Variants in RIPOR3 observed in about 807,000 individuals in gnomAD.
RIPOR3 encodes family with sequence similarity 65 member C.
Under a neutral mutation model 114.3 loss-of-function variants are expected in RIPOR3, and 95 were observed. The ratio of observed to expected loss-of-function variants is 0.83; its 90% CI spans 0.70 to 0.99. The LOEUF is 0.99. RIPOR3 is among the 50% of genes least tolerant of loss of function. RIPOR3 has a pLI of 0.00. For synonymous variants in RIPOR3, 575 were observed against 543.8 expected (o/e 1.06, Z -0.80); for missense variants, 1,252 against 1,266.9 (o/e 0.99, Z 0.18).
intron 1 of RIPOR3, among the ~76,000 whole-genome samples, chr20:50,690,679 C>T (rs1022496618): frequency 1.3e-5 from 2 of 152,084 alleles, no homozygotes; most frequent in Non-Finnish European, 2.9e-5. Context: ...TGCCACTGAC[C>T]GGCTGTGTGA....
At chr20:50,611,354 C>A in intron 4 of RIPOR3, 150 bp from the exon 5 acceptor site, 1 of 967,160 alleles carries the variant, frequency 1.0e-6, no homozygotes, top group Non-Finnish European at 1.6e-6. Flanking sequence ...CCTTCCTCTG[C>A]CAACGGCAGA....
At chr20:50,670,771 C>A (rs1051101330) in intron 1 of RIPOR3, among the ~76,000 whole-genome samples, 51 of 152,150 alleles carry the variant, frequency 3.4e-4, no homozygotes, top group African/African-American at 1.2e-3. Flanking sequence ...TGGGGAAGAA[C>A]AAGGCTCTGT....
intron 1 of RIPOR3, among the ~76,000 whole-genome samples, chr20:50,669,116 TCA>T (rs1009237230): frequency 1.3e-5 from 2 of 151,846 alleles, no homozygotes; most frequent in African/African-American, 4.8e-5. Context: ...ACATGCATGC[TCA>T]CACATGTGCA....
At chr20:50,632,865 C>G (rs1600638672) in intron 1 of RIPOR3, among the ~76,000 whole-genome samples, 2 of 152,196 alleles carry the variant, frequency 1.3e-5, no homozygotes, top group East Asian at 3.9e-4. Context: ...GCTTGTCTTA[C>G]CTGCGGTCAG....
rs183398793 is a variant in RIPOR3, at chr20:50,637,082, G to A, written c.4-6226C>T. On this transcript the variant is annotated intron_variant, in intron 1 of 21. Coordinates refer to ENST00000327979, the MANE Select transcript of RIPOR3 (RefSeq NM_001290268.2). The stretch of plus-strand genomic sequence containing the variant: ...GAGTTTACACAGAAGACAGACAGGC[G>A]CCCGAGGAGGCTTCTCTGGGAACCA... Among the ~76,000 whole-genome samples the A allele has an allele frequency of 2.8e-3, 421 of 152,250 alleles. 2 individuals are homozygous for A. The highest frequency in any genetic ancestry group is 4.0e-3 in the Non-Finnish European group (273 of 68,018).
intron 2 of RIPOR3, 138 bp from the exon 3 acceptor site, chr20:50,620,270 C>T (rs750918577): frequency 6.0e-6 from 6 of 994,242 alleles, no homozygotes; most frequent in Non-Finnish European, 5.8e-6. Context: ...CCATCACCAC[C>T]AAGCAGTGTG....
intron 1 of RIPOR3, among the ~76,000 whole-genome samples, chr20:50,690,788 C>T (rs1449010342): frequency 5.3e-5 from 8 of 152,150 alleles, no homozygotes; most frequent in Admixed American, 5.2e-4. Context: ...CGGGATTTCC[C>T]GAGCCGACGC....
intron 15 of RIPOR3, 152 bp downstream of exon 15, chr20:50,595,988 T>C (rs774690103): frequency 4.9e-5 from 56 of 1,140,688 alleles, no homozygotes; most frequent in Non-Finnish European, 6.2e-6. Flanking sequence ...GGTCTGCCTC[T>C]CTTCCACTGG....
At chr20:50,631,822 C>T (rs1446893275) in intron 1 of RIPOR3, among the ~76,000 whole-genome samples, 1 of 152,226 alleles carries the variant, frequency 6.6e-6, no homozygotes, top group African/African-American at 2.4e-5. Context: ...TCAGCATCTT[C>T]CAGCAAGGGC....
chr20:50,615,865 A>G lies in RIPOR3; in HGVS notation c.348+137T>C, dbSNP rs575737868. On this transcript the variant is annotated intron_variant, in intron 4 of 21. Coordinates refer to ENST00000327979, the MANE Select transcript of RIPOR3 (RefSeq NM_001290268.2). Reference sequence around the variant, plus strand: ...GCCAAAGTGAAGTTAACTCAGTGCAACGTGAAGAGGCTATTCCATAAACCT... The same window carrying G: ...GCCAAAGTGAAGTTAACTCAGTGCAGCGTGAAGAGGCTATTCCATAAACCT... 15 of 769,546 alleles carry G rather than the reference A, an allele frequency of 1.9e-5. No homozygotes were observed. In the Admixed American group the frequency reaches 2.5e-4, roughly 13 times the overall value. The allele number at this position is 769,546 out of a possible 1,614,324, so 47.7% of individuals were successfully genotyped here. A position where few individuals can be genotyped will look rare whatever the true frequency, so the allele number is the denominator to read the frequency against.
chr20:50,609,479 T>TC (rs2083865837), intron 7 of RIPOR3, 94 bp downstream of exon 7: 1 of 1,457,026 alleles, frequency 6.9e-7, no homozygotes, highest in African/African-American at 1.4e-5. Context: ...CCAGAACACC[T>TC]CCTCCAGCCC....
intron 12 of RIPOR3, among the ~76,000 whole-genome samples, chr20:50,603,672 C>T (rs927170169): frequency 1.3e-5 from 2 of 152,174 alleles, no homozygotes; most frequent in South Asian, 4.1e-4. Flanking sequence ...CTCACCACAC[C>T]CCATGGGGGT....
At chr20:50,661,255 T>A (rs963556793) in intron 1 of RIPOR3, among the ~76,000 whole-genome samples, 1 of 150,228 alleles carries the variant, frequency 6.7e-6, no homozygotes, top group African/African-American at 2.4e-5. Flanking sequence ...AAAAAAAAAT[T>A]GTAGGGACAC....
rs931422511 is a variant in RIPOR3, at chr20:50,604,732, C to T, written c.999G>A (p.Thr333=). The T allele has an allele frequency of 3.4e-5, 54 of 1,608,936 alleles. No homozygotes were observed. The highest frequency in any genetic ancestry group is 1.7e-4 in the Middle Eastern group (1 of 6,040). The change falls in exon 12 of 22, where the codon ACG becomes ACA. Residue 333 remains threonine, a synonymous_variant. Transcript: ENST00000327979. Reference sequence around the variant, plus strand: ...TCCTGCTGCCCATAGAAAACTTGCCCGTGGGGCTGGGTGACACCAGGAAGC... The same window carrying T: ...TCCTGCTGCCCATAGAAAACTTGCCTGTGGGGCTGGGTGACACCAGGAAGC... The part of the protein sequence containing the change: ...TESFLVSPSP[T]GKFSMGSRKG...
rs367797727 is a variant in RIPOR3, at chr20:50,608,729, G to T, written c.694C>A (p.Arg232Ser). Residue 232 changes from arginine (R) to serine (S), a missense_variant, in exon 10 of 22, where the codon CGT becomes AGT. Arg to Ser is a moderately radical substitution (Grantham distance 110). Transcript: ENST00000327979. ...CPGDHYEVLM[R>S]LGRQRWKLKG... Reference sequence around the variant, plus strand: ...AGCTTCCAACGCTGGCGGCCCAGACGCATGAGCACCTGTGAACCAGCCCGA... The same window carrying T: ...AGCTTCCAACGCTGGCGGCCCAGACTCATGAGCACCTGTGAACCAGCCCGA... 6.2e-7 allele frequency: 1 copy of T among 1,613,848 alleles called. No individual in the cohort carries two copies. The highest frequency in any genetic ancestry group is 8.5e-7 in the Non-Finnish European group (1 of 1,179,924).
chr20:50,663,221 C>A (rs189929197), intron 1 of RIPOR3, among the ~76,000 whole-genome samples: 1 of 152,260 alleles, frequency 6.6e-6, no homozygotes, highest in East Asian at 1.9e-4. Context: ...ACATTTTCTC[C>A]AGTGCACCTC....
chr20:50,604,493 A>C, intron 12 of RIPOR3, 152 bp downstream of exon 12: 2 of 1,157,396 alleles, frequency 1.7e-6, no homozygotes, highest in Non-Finnish European at 2.3e-6. Context: ...AGAGGAAGAA[A>C]GTGCACAGGA....
chr20:50,587,618 A>C (rs758388643), intron 21 of RIPOR3, among the ~76,000 whole-genome samples, 184 bp downstream of exon 21: 5 of 152,106 alleles, frequency 3.3e-5, no homozygotes, highest in Non-Finnish European at 7.4e-5. Flanking sequence ...CCAGCCATGG[A>C]GGAGGCCTGC....
chr20:50,637,565 A>T (rs950894307), intron 1 of RIPOR3, among the ~76,000 whole-genome samples: 10 of 151,974 alleles, frequency 6.6e-5, no homozygotes, highest in Admixed American at 2.0e-4. Flanking sequence ...CTGTCTTTTT[A>T]AAAAAAAGTT....
Sources: allele counts gnomAD v4.1 joint callset (sites outside exome capture counted in the v4.1 genomes callset), GRCh38; gene constraint gnomAD v4.1.1; transcripts MANE v1.5; gene names NCBI Gene and HGNC (gene_info 2026-07-23, HGNC 2026-07-21).